The following HSP90AA1 variants were observed in gnomAD, a reference collection of about 807,000 sequenced individuals.
HSP90AA1 encodes the protein heat shock protein 90 alpha family class A member 1.
In HSP90AA1, 18 loss-of-function variants were observed where a neutral mutation model predicts 73.3. That is an observed-to-expected ratio of 0.25 (90% CI 0.17 to 0.36). HSP90AA1 has a LOEUF of 0.36. HSP90AA1 is among the 10% of genes least tolerant of loss of function. The probability of loss-of-function intolerance (pLI) is 1.00; values close to 1 mark genes in which losing one functional copy is unlikely to be tolerated. For synonymous variants in HSP90AA1, 477 were observed against 296.9 expected (o/e 1.61, Z -6.24); for missense variants, 704 against 874.2 (o/e 0.81, Z 2.45).
At chr14:102,094,522 AG>A (rs1296094806) in intron 2 of HSP90AA1, among the ~76,000 whole-genome samples, 2 of 152,028 alleles carry the variant, frequency 1.3e-5, no homozygotes, top group East Asian at 3.9e-4. Context: ...GGCTGTGGGG[AG>A]GGAGTGTGGG....
chr14:102,081,525 G>A lies in HSP90AA1; in HGVS notation c.*187C>T. 3 of 610,856 alleles carry A rather than the reference G, an allele frequency of 4.9e-6. No individual in the cohort carries two copies. The highest frequency in any genetic ancestry group is 2.0e-5 in the South Asian group (1 of 50,598). The allele number at this position is 610,856 out of a possible 1,614,324, so 37.8% of individuals were successfully genotyped here. A position where few individuals can be genotyped will look rare whatever the true frequency, so the allele number is the denominator to read the frequency against. ...ACATGAAACTCAAAAAGCATTACTA[G>A]CTCTGCTTTAGTGCCTAAGGTATCA... On this transcript the variant is annotated 3_prime_UTR_variant, in exon 11 of 11. Coordinates refer to ENST00000216281, the MANE Select transcript of HSP90AA1 (RefSeq NM_005348.4).
intron 10 of HSP90AA1, 22 bp from the exon 11 acceptor site, chr14:102,081,843 C>A: frequency 8.9e-7 from 1 of 1,126,648 alleles, no homozygotes; most frequent in Non-Finnish European, 1.4e-6. Flanking sequence ...ATAAAATCCT[C>A]ATATTACAAA....
rs1454472143 is a variant in HSP90AA1, at chr14:102,080,786, G to A, written c.*926C>T. The stretch of plus-strand genomic sequence containing the variant: ...GTATTTAACACAGAAGGTATTCCAT[G>A]AATAACATCAAAACAACGTGGACAC... On this transcript the variant is annotated 3_prime_UTR_variant, in exon 11 of 11. Coordinates refer to ENST00000216281, the MANE Select transcript of HSP90AA1 (RefSeq NM_005348.4). 1 of 220,386 alleles carries A rather than the reference G, an allele frequency of 4.5e-6. No homozygotes were observed. The highest frequency in any genetic ancestry group is 9.1e-6 in the Non-Finnish European group (1 of 109,916). 13.7% of individuals were successfully genotyped at this position (220,386 alleles called of 1,614,324 possible). A position where few individuals can be genotyped will look rare whatever the true frequency, so the allele number is the denominator to read the frequency against.
In HSP90AA1 at chr14:102,102,095, T is replaced by A. The variant is rs772602984; in HGVS notation, c.156-10A>T. The A allele has an allele frequency of 8.1e-6, 13 of 1,610,622 alleles. No homozygotes were observed. The African/African-American group carries it at 9.3e-5, about 12-fold the overall frequency. ...GTTAACAGGTGCCCTGCTGGGAACA[T>A]AAACACAATCTTCTGGACTTCCAAA... is the stretch of plus-strand genomic sequence containing the variant. On this transcript the variant is annotated splice_polypyrimidine_tract_variant and intron_variant, in intron 1 of 11. Coordinates refer to the HSP90AA1 transcript ENST00000334701.
At chr14:102,132,135 G>A (rs902352508) in intron 1 of HSP90AA1, among the ~76,000 whole-genome samples, 9 of 152,124 alleles carry the variant, frequency 5.9e-5, no homozygotes, top group Non-Finnish European at 1.0e-4. Flanking sequence ...TTGGGAGGCC[G>A]AGACGGGCAG....
At chr14:102,086,476 G>C in intron 1 of HSP90AA1, 98 bp from the exon 2 acceptor site, 2 of 1,389,494 alleles carry the variant, frequency 1.4e-6, no homozygotes, top group Non-Finnish European at 2.0e-6. Flanking sequence ...AGCCGAATTG[G>C]AGATTTGCGA....
chr14:102,103,252 T>G (rs1595669476), intron 1 of HSP90AA1, among the ~76,000 whole-genome samples: 1 of 138,690 alleles, frequency 7.2e-6, no homozygotes, highest in Admixed American at 7.4e-5. Context: ...AGATAGGGTC[T>G]CGGTTCTAGT....
At chr14:102,084,366 G>C (rs751467254) in intron 6 of HSP90AA1, 33 bp downstream of exon 6, 1 of 1,587,208 alleles carries the variant, frequency 6.3e-7, no homozygotes, top group African/African-American at 1.3e-5. Context: ...TCTTTAATCA[G>C]TGACAGTGAT....
intron 1 of HSP90AA1, among the ~76,000 whole-genome samples, chr14:102,133,605 C>G (rs113137410): frequency 2.6e-5 from 4 of 151,542 alleles, no homozygotes; most frequent in African/African-American, 9.7e-5. Flanking sequence ...TGCCTCAGCC[C>G]CCCTAGTAGC....
chr14:102,084,330 G>C lies in HSP90AA1; in HGVS notation c.1147+69C>G, dbSNP rs943238724. The C allele has an allele frequency of 1.2e-3, 1,743 of 1,451,996 alleles. 36 individuals are homozygous for C. In the Admixed American group the frequency reaches 0.028, roughly 23 times the overall value. 89.9% of individuals were successfully genotyped at this position (1,451,996 alleles called of 1,614,324 possible). A position where few individuals can be genotyped will look rare whatever the true frequency, so the allele number is the denominator to read the frequency against. On this transcript the variant is annotated intron_variant, in intron 6 of 10. Coordinates refer to ENST00000216281, the MANE Select transcript of HSP90AA1 (RefSeq NM_005348.4). Reference sequence around the variant, plus strand: ...CAAAGTGCTAGGATTATAGGTGTGAGCCACCATGCCCACCCAGAAAGTACT... The same window carrying C: ...CAAAGTGCTAGGATTATAGGTGTGACCCACCATGCCCACCCAGAAAGTACT...
upstream of HSP90AA1, among the ~76,000 whole-genome samples, chr14:102,087,819 A>G (rs534819007): frequency 5.0e-4 from 76 of 151,280 alleles, 1 homozygote; most frequent in African/African-American, 1.8e-3. Flanking sequence ...GAACAAATTC[A>G]TGCTTACCCA....
chr14:102,087,082 GC>G, upstream of HSP90AA1: 1 of 983,886 alleles, frequency 1.0e-6, no homozygotes, highest in Non-Finnish European at 1.2e-6. Context: ...ATAGCGACGG[GC>G]CCGCCCAGCG....
chr14:102,139,677 G>A (rs2152632477), exon 1 of HSP90AA1: 1 of 658,252 alleles, frequency 1.5e-6, no homozygotes, highest in Non-Finnish European at 2.6e-6. Flanking sequence ...GCCGCCCGGA[G>A]GCCACACCCG....
At chr14:102,103,217 G>A (rs1385627808) in intron 1 of HSP90AA1, among the ~76,000 whole-genome samples, 4 of 141,694 alleles carry the variant, frequency 2.8e-5, no homozygotes, top group African/African-American at 7.8e-5. Flanking sequence ...AGAAGTGGGA[G>A]TTGATTTTTT....
chr14:102,133,378 A>G (rs961908903), intron 1 of HSP90AA1, among the ~76,000 whole-genome samples: 1 of 152,180 alleles, frequency 6.6e-6, no homozygotes, highest in Non-Finnish European at 1.5e-5. Context: ...AATTATAGGG[A>G]GTTCAAACAT....
upstream of HSP90AA1, among the ~76,000 whole-genome samples, chr14:102,091,318 G>C (rs1168638977): frequency 6.6e-6 from 1 of 151,996 alleles, no homozygotes; most frequent in African/African-American, 2.4e-5. Flanking sequence ...CATGATTTTT[G>C]TTTTATCCTG....
intron 4 of HSP90AA1, 96 bp from the exon 5 acceptor site, chr14:102,085,094 T>A: frequency 6.3e-7 from 1 of 1,595,264 alleles, no homozygotes; most frequent in Non-Finnish European, 8.6e-7. Flanking sequence ...AAGTCTAAAT[T>A]AGCCAACTTG....
At chr14:102,135,503 G>C (rs573463256) in intron 1 of HSP90AA1, among the ~76,000 whole-genome samples, 73 of 152,382 alleles carry the variant, frequency 4.8e-4, no homozygotes, top group African/African-American at 1.5e-3. Flanking sequence ...GTCCTGCGCC[G>C]TGCGCTCGCA....
At chr14:102,110,020 G>A (rs915682032) in intron 1 of HSP90AA1, among the ~76,000 whole-genome samples, 4 of 152,024 alleles carry the variant, frequency 2.6e-5, no homozygotes, top group Non-Finnish European at 5.9e-5. Context: ...TGCAAATTCC[G>A]CCTCCTGGGT....
Sources: allele counts gnomAD v4.1 joint callset (sites outside exome capture counted in the v4.1 genomes callset), GRCh38; gene constraint gnomAD v4.1.1; transcripts MANE v1.5; gene names NCBI Gene and HGNC (gene_info 2026-07-23, HGNC 2026-07-21).